CDH4: variants seen among roughly 807,000 people sequenced by gnomAD.
The protein encoded by CDH4 is cadherin 4.
Under a neutral mutation model 86.0 loss-of-function variants are expected in CDH4, and 33 were observed. The observed-to-expected ratio is 0.38, with a 90% confidence interval of 0.29 to 0.51. CDH4 has a LOEUF of 0.51. CDH4 is among the 20% of genes least tolerant of loss of function. CDH4 has a pLI of 0.86. For synonymous variants in CDH4, 555 were observed against 549.4 expected (o/e 1.01, Z -0.14); for missense variants, 1,114 against 1,307.4 (o/e 0.85, Z 2.28).
At chr20:61,359,557 A>G (rs2084772783) in intron 2 of CDH4, among the ~76,000 whole-genome samples, 1 of 152,188 alleles carries the variant, frequency 6.6e-6, no homozygotes, top group South Asian at 2.1e-4. Flanking sequence ...TGTCCCACAA[A>G]GTGATACATG....
At chr20:61,415,619 C>G (rs937201001) in intron 2 of CDH4, among the ~76,000 whole-genome samples, 2 of 152,146 alleles carry the variant, frequency 1.3e-5, no homozygotes, top group Non-Finnish European at 2.9e-5. Context: ...CAGGTAGAAT[C>G]ATACCGTATT....
At chr20:61,530,565 G>C (rs557699705) in intron 2 of CDH4, among the ~76,000 whole-genome samples, 249 of 152,276 alleles carry the variant, frequency 1.6e-3, no homozygotes, top group Middle Eastern at 6.8e-3. Flanking sequence ...AGCTCTATCA[G>C]GCTGGATGAA....
chr20:61,309,072 C>T (rs1185067731), intron 2 of CDH4, among the ~76,000 whole-genome samples: 1 of 152,262 alleles, frequency 6.6e-6, no homozygotes, highest in East Asian at 1.9e-4. Context: ...TAAAAAATTA[C>T]TGAATTTCAA....
chr20:61,645,349 A>G (rs2087050532), intron 2 of CDH4, among the ~76,000 whole-genome samples: 1 of 152,232 alleles, frequency 6.6e-6, no homozygotes, highest in Non-Finnish European at 1.5e-5. Context: ...ATTGCCGGCC[A>G]GGTGCAGCTG....
chr20:61,783,749 G>A (rs1465404530), intron 4 of CDH4, among the ~76,000 whole-genome samples: 1 of 127,190 alleles, frequency 7.9e-6, no homozygotes, highest in Non-Finnish European at 1.7e-5. Flanking sequence ...GTGCCCCCGG[G>A]AGAAATGTAA....
chr20:61,623,335 C>G lies in CDH4; in HGVS notation c.170-120228C>G, dbSNP rs762161486. 3.3e-5 allele frequency among the ~76,000 whole-genome samples: 5 copies of G among 152,180 alleles called. No individual in the cohort carries two copies. The highest frequency in any genetic ancestry group is 5.9e-5 in the Non-Finnish European group (4 of 68,032). ...TTCCGTGGCTGCCTTCCTAGGGGAGCATGGTGACAGCTTCCTGTCTGTTAC... is the reference window on the plus strand; with the variant it reads ...TTCCGTGGCTGCCTTCCTAGGGGAGGATGGTGACAGCTTCCTGTCTGTTAC... On this transcript the variant is annotated intron_variant, in intron 2 of 15. Transcript: ENST00000614565. The surrounding 1 kb of genome is among the most constrained non-coding windows in gnomAD (Gnocchi z 4.4).
At chr20:61,465,035 G>A (rs1310717466) in intron 2 of CDH4, among the ~76,000 whole-genome samples, 1 of 152,220 alleles carries the variant, frequency 6.6e-6, no homozygotes, top group East Asian at 1.9e-4. Flanking sequence ...ACAAAAGTGT[G>A]TGCAGGTCTT....
At chr20:61,357,653 TCAGTGTAGGTC>T (rs2084758547) in intron 2 of CDH4, among the ~76,000 whole-genome samples, 1 of 152,190 alleles carries the variant, frequency 6.6e-6, no homozygotes, top group South Asian at 2.1e-4. Context: ...TCATTGCATC[TCAGTGTAGGTC>T]CAGTGTTGCT....
At chr20:61,726,750 C>T (rs185784747) in intron 2 of CDH4, among the ~76,000 whole-genome samples, 110 of 151,860 alleles carry the variant, frequency 7.2e-4, no homozygotes, top group African/African-American at 2.5e-3. Context: ...CTGCCATCAT[C>T]GTCACCATCG....
At chr20:61,494,177 T>TCTGGAGG (rs1236411916) in intron 2 of CDH4, among the ~76,000 whole-genome samples, 2 of 152,272 alleles carry the variant, frequency 1.3e-5, no homozygotes, top group Non-Finnish European at 2.9e-5. Context: ...GGTCCCAGGT[T>TCTGGAGG]CTGACTTAAA....
intron 2 of CDH4, among the ~76,000 whole-genome samples, chr20:61,387,021 C>CAT (rs1311684051): frequency 6.6e-6 from 1 of 152,236 alleles, no homozygotes; most frequent in African/African-American, 2.4e-5. Context: ...GATGAGTTTA[C>CAT]ATTACTGGGT....
At chr20:61,657,969 T>C (rs533244779) in intron 2 of CDH4, among the ~76,000 whole-genome samples, 1 of 152,334 alleles carries the variant, frequency 6.6e-6, no homozygotes, top group East Asian at 1.9e-4. Flanking sequence ...CTTGTGGTTC[T>C]GCTTTATGAC....
chr20:61,549,646 G>A (rs201841401), intron 2 of CDH4, among the ~76,000 whole-genome samples: 108 of 152,322 alleles, frequency 7.1e-4, no homozygotes, highest in East Asian at 2.7e-3. Context: ...AGGACGTCAA[G>A]CACGTGCTGG....
intron 2 of CDH4, among the ~76,000 whole-genome samples, chr20:61,702,439 C>T (rs1033060770): frequency 2.0e-5 from 3 of 152,162 alleles, no homozygotes; most frequent in Admixed American, 6.5e-5. Flanking sequence ...TGTAAAAAGA[C>T]GACAAGGGCC....
intron 2 of CDH4, among the ~76,000 whole-genome samples, chr20:61,282,613 G>A (rs935950640): frequency 2.0e-5 from 3 of 151,992 alleles, no homozygotes; most frequent in Non-Finnish European, 2.9e-5. Context: ...AACTGGATGA[G>A]CATGGTGTGT....
chr20:61,832,285 G>A (rs1346317142), intron 4 of CDH4, among the ~76,000 whole-genome samples: 2 of 152,232 alleles, frequency 1.3e-5, no homozygotes, highest in African/African-American at 2.4e-5. Flanking sequence ...GATCTTGGGT[G>A]AGTGACTCAA....
At chr20:61,682,722 G>A (rs1412990452) in intron 2 of CDH4, among the ~76,000 whole-genome samples, 3 of 152,120 alleles carry the variant, frequency 2.0e-5, no homozygotes, top group East Asian at 1.9e-4. Context: ...ACCTCCCCAC[G>A]CCAGGAATGT....
At chr20:61,776,887 C>T (rs1182903303) in intron 4 of CDH4, among the ~76,000 whole-genome samples, 1 of 152,208 alleles carries the variant, frequency 6.6e-6, no homozygotes, top group African/African-American at 2.4e-5. Context: ...ACGAGTCCAA[C>T]TCCGTGTCAT....
chr20:61,871,165 A>G (rs1364231701), intron 6 of CDH4, among the ~76,000 whole-genome samples: 1 of 151,838 alleles, frequency 6.6e-6, no homozygotes, highest in Non-Finnish European at 1.5e-5. Flanking sequence ...AAACACCCTT[A>G]GTATTTCCTC....
Sources: gnomAD v4.1 joint callset for allele counts (sites outside exome capture counted in the v4.1 genomes callset) on GRCh38, gnomAD v4.1.1 for gene constraint, Gnocchi (gnomAD v3.1) non-coding constraint, MANE v1.5 for transcripts, NCBI Gene and HGNC (gene_info 2026-07-23, HGNC 2026-07-21) for gene names.